TBC1D2B: variants seen among roughly 807,000 people sequenced by gnomAD.
TBC1D2B encodes the protein TBC1 domain family, member 2B.
Under a neutral mutation model 100.8 loss-of-function variants are expected in TBC1D2B, and 64 were observed. The ratio of observed to expected loss-of-function variants is 0.64; its 90% CI spans 0.52 to 0.78. TBC1D2B has a LOEUF of 0.78. Among genes scored for constraint, TBC1D2B ranks in the 30% least tolerant of loss-of-function variants. The pLI is 0.00. For synonymous variants in TBC1D2B, 480 were observed against 479.7 expected, an observed-to-expected ratio of 1.00 and a Z score of -0.01; for missense variants, 1,052 against 1,218.4, an observed-to-expected ratio of 0.86 and a Z score of 2.03.
chr15:78,055,243 G>GGT (rs10632042), intron 1 of TBC1D2B, among the ~76,000 whole-genome samples: 134,895 of 151,850 alleles, frequency 0.89, 60,622 homozygotes, highest in East Asian at 0.99. Flanking sequence ...TCATGGTTCT[G>GGT]GGTAAAGTCA....
chr15:78,043,839 A>G (rs928976697), intron 3 of TBC1D2B, among the ~76,000 whole-genome samples: 3 of 152,072 alleles, frequency 2.0e-5, no homozygotes, highest in Non-Finnish European at 4.4e-5. Flanking sequence ...CCCGTGCAAG[A>G]TAGAGGGAAC....
intron 2 of TBC1D2B, among the ~76,000 whole-genome samples, chr15:78,050,130 C>A (rs1020826052): frequency 5.3e-5 from 8 of 152,142 alleles, no homozygotes; most frequent in Non-Finnish European, 1.0e-4. Context: ...TCTGGCAGCT[C>A]TCTACACCCT....
At chr15:78,000,480 C>T (rs150312640) in intron 12 of TBC1D2B, among the ~76,000 whole-genome samples, 2,291 of 152,346 alleles carry the variant, frequency 0.015, 23 homozygotes, top group Admixed American at 0.021. Context: ...CCAGGCTCAC[C>T]GCAGGACTCA....
At chr15:78,019,209 T>C (rs567626642) in intron 6 of TBC1D2B, among the ~76,000 whole-genome samples, 2 of 152,356 alleles carry the variant, frequency 1.3e-5, no homozygotes, top group South Asian at 2.1e-4. Flanking sequence ...ATGTTCCCTT[T>C]AATCACTAAC....
chr15:78,057,466 A>AC (rs2073449578), intron 1 of TBC1D2B, among the ~76,000 whole-genome samples: 1 of 152,052 alleles, frequency 6.6e-6, no homozygotes, highest in South Asian at 2.1e-4. Flanking sequence ...ACATGGTGAA[A>AC]CCCCGTCTCT....
In TBC1D2B at chr15:78,025,302, T is replaced by C; in HGVS notation, c.1043A>G (p.Gln348Arg). ...SEMQLQVQSQQEELEQLKKDL... is the reference protein window; with the variant it reads ...SEMQLQVQSQREELEQLKKDL... ...TTTCTTTAACTGTTCCAGCTCTTCC[T>C]GCTGGCTCTGGACCTGCAGTTGCAT... The change falls in exon 5 of 13, where the codon CAG (glutamine) becomes CGG (arginine). Residue 348 changes from glutamine (Q) to arginine (R), a missense_variant. Physicochemically the swap from Gln to Arg is conservative, Grantham distance 43 (BLOSUM62 1). This residue lies in a region of TBC1D2B where 627 missense variants were observed against 646.1 expected (regional missense o/e 0.97). Coordinates refer to ENST00000300584, the MANE Select transcript of TBC1D2B (RefSeq NM_144572.2). The C allele has an allele frequency of 6.2e-7, 1 of 1,613,918 alleles. No individual in the cohort carries two copies. Among genetic ancestry groups the C allele is most frequent in the African/African-American group, 1.3e-5 (1 of 75,058 alleles).
chr15:78,036,574 G>A (rs2072951185), intron 3 of TBC1D2B, among the ~76,000 whole-genome samples: 1 of 152,198 alleles, frequency 6.6e-6, no homozygotes, highest in African/African-American at 2.4e-5. Flanking sequence ...CACAGGCCAA[G>A]GAATACCAGC....
intron 3 of TBC1D2B, among the ~76,000 whole-genome samples, chr15:78,039,292 G>A (rs895633966): frequency 2.6e-5 from 4 of 152,272 alleles, no homozygotes; most frequent in South Asian, 2.1e-4. Context: ...CCTCTGCTAC[G>A]AACTGGGGCT....
intron 3 of TBC1D2B, among the ~76,000 whole-genome samples, chr15:78,040,592 G>A (rs866735452): frequency 9.1e-5 from 3 of 33,142 alleles, no homozygotes; most frequent in Middle Eastern, 0.013. Context: ...AGGGGAGAAA[G>A]AAAGAGAGAA....
chr15:78,077,377 C>T lies in TBC1D2B; in HGVS notation c.276G>A (p.Gln92=), dbSNP rs1328241619. Residue 92 remains glutamine (Q), a synonymous_variant, in exon 1 of 13, where the codon CAG becomes CAA. Coordinates refer to ENST00000300584, the MANE Select transcript of TBC1D2B (RefSeq NM_144572.2). Reference sequence around the variant, plus strand: ...CCGGCTCCGCCGCCTCGTCGGGGCCCTGGTAGCTGAAGCAGGCGTCCGCGA... The same window carrying T: ...CCGGCTCCGCCGCCTCGTCGGGGCCTTGGTAGCTGAAGCAGGCGTCCGCGA... ...LDIADACFSY[Q]GPDEAAEPGT... is the part of the protein sequence containing the mutation. 9.1e-6 allele frequency: 14 copies of T among 1,542,058 alleles called. No homozygotes were observed. Among genetic ancestry groups the T allele is most frequent in the Non-Finnish European group, 1.2e-5 (14 of 1,143,890 alleles).
chr15:78,074,147 G>A (rs969731889), intron 1 of TBC1D2B, among the ~76,000 whole-genome samples: 12 of 151,484 alleles, frequency 7.9e-5, no homozygotes, highest in African/African-American at 2.4e-4. Flanking sequence ...CCTCAGCCTC[G>A]CGAGCAGCTG....
chr15:78,020,327 A>C (rs1242296657), intron 6 of TBC1D2B, among the ~76,000 whole-genome samples: 2 of 152,220 alleles, frequency 1.3e-5, no homozygotes, highest in Non-Finnish European at 2.9e-5. Context: ...CAGTGAAAGC[A>C]AGTAACATCA....
At chr15:78,034,405 C>T in intron 3 of TBC1D2B, 1 of 802,130 alleles carries the variant, frequency 1.2e-6, no homozygotes, top group Non-Finnish European at 1.5e-6. Context: ...GCAAGGATCT[C>T]ACAGGAGCCT....
At chr15:78,016,797 T>C in intron 7 of TBC1D2B, 58 bp from the exon 8 acceptor site, 4 of 1,392,896 alleles carry the variant, frequency 2.9e-6, no homozygotes, top group Non-Finnish European at 3.8e-6. Flanking sequence ...GAGCAATCTT[T>C]AGGTACGCAA....
intron 10 of TBC1D2B, among the ~76,000 whole-genome samples, chr15:78,004,305 C>T (rs892025516): frequency 6.6e-6 from 1 of 152,172 alleles, no homozygotes; most frequent in African/African-American, 2.4e-5. Context: ...CATGGCCAGG[C>T]CCTGGTAACG....
intron 3 of TBC1D2B, among the ~76,000 whole-genome samples, chr15:78,037,948 A>C (rs548897372): frequency 2.0e-5 from 3 of 152,318 alleles, no homozygotes; most frequent in Admixed American, 1.3e-4. Context: ...CATCCTGCCC[A>C]GGAAGCCAAA....
intron 9 of TBC1D2B, among the ~76,000 whole-genome samples, chr15:78,009,840 TGGCGGGC>T (rs994139357): frequency 1.3e-5 from 2 of 151,718 alleles, no homozygotes; most frequent in African/African-American, 4.8e-5. Flanking sequence ...CCAGGCGCGG[TGGCGGGC>T]GCCTGTAGTC....
chr15:78,054,750 G>A (rs1303897237), intron 1 of TBC1D2B, among the ~76,000 whole-genome samples: 1 of 152,192 alleles, frequency 6.6e-6, no homozygotes, highest in African/African-American at 2.4e-5. Context: ...AATGCAACAT[G>A]GTGCAGCTAC....
intron 1 of TBC1D2B, among the ~76,000 whole-genome samples, chr15:78,058,899 A>G (rs751263085): frequency 3.3e-5 from 5 of 152,174 alleles, no homozygotes; most frequent in Non-Finnish European, 5.9e-5. Context: ...GTGCTGTCTG[A>G]TGCCTTACCT....
Sources: allele counts gnomAD v4.1 joint callset (sites outside exome capture counted in the v4.1 genomes callset), GRCh38; gene constraint gnomAD v4.1.1; regional missense constraint gnomAD v4.1.1; transcripts MANE v1.5; gene names NCBI Gene and HGNC (gene_info 2026-07-23, HGNC 2026-07-21).